Variants in GNAO1 observed in about 807,000 individuals in gnomAD.
GNAO1 encodes the protein guanine nucleotide-binding protein G(o) subunit alpha.
For missense variants in GNAO1, 166 were observed against 478.7 expected, an observed-to-expected ratio of 0.35 and a Z score of 6.10; for synonymous variants, 164 against 180.7, an observed-to-expected ratio of 0.91 and a Z score of 0.74.
chr16:56,281,870 A>G (rs563579576), intron 3 of GNAO1, among the ~76,000 whole-genome samples: 1 of 152,256 alleles, frequency 6.6e-6, no homozygotes, highest in African/African-American at 2.4e-5. Flanking sequence ...ACAAGCCTGT[A>G]TTAATATAGT....
At chr16:56,244,471 T>G (rs1230563194) in intron 2 of GNAO1, among the ~76,000 whole-genome samples, 2 of 152,126 alleles carry the variant, frequency 1.3e-5, no homozygotes, top group Non-Finnish European at 2.9e-5. Flanking sequence ...TAACCCTGGT[T>G]ACCTCCAGCT....
intron 3 of GNAO1, among the ~76,000 whole-genome samples, chr16:56,283,698 G>A (rs1488990241): frequency 6.6e-6 from 1 of 152,112 alleles, no homozygotes; most frequent in Admixed American, 6.5e-5. Flanking sequence ...TAGATCTGAC[G>A]AGGGCTGGAG....
intron 2 of GNAO1, among the ~76,000 whole-genome samples, chr16:56,247,873 A>T (rs1389713174): frequency 1.3e-5 from 2 of 152,196 alleles, no homozygotes; most frequent in Non-Finnish European, 2.9e-5. Flanking sequence ...TAATCCCTAC[A>T]TTAGGATATT....
At chr16:56,349,686 C>T (rs988546344) in intron 6 of GNAO1, among the ~76,000 whole-genome samples, 11 of 152,226 alleles carry the variant, frequency 7.2e-5, no homozygotes, top group African/African-American at 2.7e-4. Context: ...CCGTGTACTA[C>T]AGCTCCTGGG....
intron 6 of GNAO1, chr16:56,346,461 C>G: frequency 3.0e-6 from 3 of 985,202 alleles, no homozygotes; most frequent in Non-Finnish European, 3.6e-6. Flanking sequence ...AAAATTGTGC[C>G]TGCCACTTTC....
rs575180808 is a variant in GNAO1 at position 56,301,448 on chromosome 16, C to G, written c.303+25376C>G. Among the ~76,000 whole-genome samples the G allele has an allele frequency of 4.6e-5, 7 of 152,192 alleles. No individual in the cohort carries two copies. In the South Asian group the frequency reaches 1.4e-3, roughly 32 times the overall value. The stretch of plus-strand genomic sequence containing the variant: ...TGCTTCCAGCTCTGAGCCCTGGGCC[C>G]CCTTTTTCCTCTGACTTGCTGTCAG... On this transcript the variant is annotated intron_variant, in intron 3 of 8. Transcript: ENST00000262493.
intron 6 of GNAO1, chr16:56,347,031 T>G (rs1312247753): frequency 3.2e-5 from 32 of 985,400 alleles, no homozygotes; most frequent in Non-Finnish European, 3.9e-5. Flanking sequence ...GCCTGCATCC[T>G]TCCTGGCCAC....
intron 2 of GNAO1, among the ~76,000 whole-genome samples, chr16:56,228,908 G>A (rs2036560549): frequency 6.6e-6 from 1 of 152,198 alleles, no homozygotes; most frequent in South Asian, 2.1e-4. Flanking sequence ...TTTATTCATA[G>A]GTTTGTTGTT....
intron 2 of GNAO1, among the ~76,000 whole-genome samples, chr16:56,252,874 C>A (rs1014821861): frequency 3.9e-5 from 6 of 152,330 alleles, no homozygotes; most frequent in South Asian, 4.1e-4. Flanking sequence ...CTGTCCCCCC[C>A]ACCAACCCCA....
chr16:56,287,697 A>G (rs1431053461), intron 3 of GNAO1, among the ~76,000 whole-genome samples: 1 of 152,188 alleles, frequency 6.6e-6, no homozygotes, highest in African/African-American at 2.4e-5. Context: ...AGGTGGTGTC[A>G]TCCCCTCCCA....
chr16:56,260,383 C>T (rs1358597005), intron 2 of GNAO1, among the ~76,000 whole-genome samples: 1 of 152,170 alleles, frequency 6.6e-6, no homozygotes, highest in Admixed American at 6.5e-5. Context: ...TTGTCTTCAA[C>T]GTGCACCAAT....
chr16:56,273,026 A>AT (rs1322284409), intron 2 of GNAO1, among the ~76,000 whole-genome samples: 4 of 152,190 alleles, frequency 2.6e-5, no homozygotes, highest in African/African-American at 4.8e-5. Context: ...TCTGTTTTTT[A>AT]GTATTTACGC....
chr16:56,330,207 G>A (rs2037675460), intron 4 of GNAO1, among the ~76,000 whole-genome samples: 1 of 152,222 alleles, frequency 6.6e-6, no homozygotes, highest in Non-Finnish European at 1.5e-5. Context: ...CTGGTGGTCA[G>A]GGCAGTGAGC....
At chr16:56,343,700 C>T in intron 6 of GNAO1, 6 of 1,336,862 alleles carry the variant, frequency 4.5e-6, no homozygotes, top group African/African-American at 1.4e-5. Context: ...AGGCTGGGGT[C>T]GTCCATGCCA....
intron 2 of GNAO1, among the ~76,000 whole-genome samples, chr16:56,229,292 C>T (rs1237983413): frequency 1.3e-5 from 2 of 152,194 alleles, no homozygotes; most frequent in Non-Finnish European, 2.9e-5. Flanking sequence ...GCGACTTCCA[C>T]CTCCCAGGTT....
At chr16:56,303,741 GT>G (rs1439061929) in intron 3 of GNAO1, among the ~76,000 whole-genome samples, 1 of 152,106 alleles carries the variant, frequency 6.6e-6, no homozygotes, top group East Asian at 1.9e-4. Flanking sequence ...CCCAGCTCTT[GT>G]CCCCGGCAGT....
chr16:56,349,072 G>A (rs1313112406), intron 6 of GNAO1, among the ~76,000 whole-genome samples: 3 of 152,338 alleles, frequency 2.0e-5, no homozygotes, highest in East Asian at 1.9e-4. Flanking sequence ...AGCGAGTGTG[G>A]TGTGAGTCGT....
At chr16:56,277,113 C>T (rs1361240399) in intron 3 of GNAO1, 1 of 152,244 alleles carries the variant, frequency 6.6e-6, no homozygotes, top group African/African-American at 2.4e-5. Flanking sequence ...ATCCTAATTC[C>T]ATGGGGCAGA....
At chr16:56,296,544 T>C (rs1249567991) in intron 3 of GNAO1, among the ~76,000 whole-genome samples, 1 of 152,104 alleles carries the variant, frequency 6.6e-6, no homozygotes, top group Admixed American at 6.6e-5. Context: ...GGGCTCTAAC[T>C]GCCTCTAGGA....
Sources: gnomAD v4.1 joint callset for allele counts (sites outside exome capture counted in the v4.1 genomes callset) on GRCh38, gnomAD v4.1.1 for gene constraint, MANE v1.5 for transcripts, NCBI Gene and HGNC (gene_info 2026-07-23, HGNC 2026-07-21) for gene names.